Variants in GRIA1 observed in about 807,000 individuals in gnomAD.
GRIA1 encodes glutamate ionotropic receptor AMPA type subunit 1, also known as glutamate receptor 1.
A neutral mutation model predicts 99.2 loss-of-function variants in GRIA1; 31 were observed. The ratio of observed to expected loss-of-function variants is 0.31; its 90% CI spans 0.23 to 0.42. GRIA1 has a LOEUF of 0.42. Ranked by LOEUF, GRIA1 falls within the 10% of genes least tolerant of loss-of-function variation. The pLI is 1.00. For missense variants in GRIA1, 782 were observed against 1,157.5 expected (o/e 0.68, Z 4.71); for synonymous variants, 438 against 432.4 (o/e 1.01, Z -0.16).
intron 2 of GRIA1, among the ~76,000 whole-genome samples, chr5:153,619,829 G>A (rs1766861208): frequency 6.6e-6 from 1 of 152,136 alleles, no homozygotes; most frequent in Admixed American, 6.5e-5. Context: ...TAAACTTAAA[G>A]AGTCAGGAAA....
intron 2 of GRIA1, among the ~76,000 whole-genome samples, chr5:153,588,704 T>G (rs893827729): frequency 1.3e-5 from 2 of 152,204 alleles, no homozygotes; most frequent in Admixed American, 6.6e-5. Context: ...TAATCCATGA[T>G]GTACTGAAAG....
chr5:153,764,726 C>G, intron 12 of GRIA1, 94 bp downstream of exon 12: 1 of 888,774 alleles, frequency 1.1e-6, no homozygotes, highest in Non-Finnish European at 1.8e-6. Context: ...AGATAACAGG[C>G]AGCCAGAGCA....
At chr5:153,624,672 A>C (rs900572523) in intron 2 of GRIA1, among the ~76,000 whole-genome samples, 3 of 149,740 alleles carry the variant, frequency 2.0e-5, no homozygotes, top group Non-Finnish European at 4.4e-5. Flanking sequence ...ACAGGGGGGA[A>C]AAAAATTGAT....
intron 2 of GRIA1, among the ~76,000 whole-genome samples, chr5:153,583,087 C>T (rs554792647): frequency 6.6e-6 from 1 of 152,044 alleles, no homozygotes; most frequent in Admixed American, 6.6e-5. Flanking sequence ...CATGAGCCAC[C>T]ACACTTAGCT....
chr5:153,548,684 A>G (rs1581212152), intron 2 of GRIA1, among the ~76,000 whole-genome samples: 1 of 152,234 alleles, frequency 6.6e-6, no homozygotes, highest in East Asian at 1.9e-4. Flanking sequence ...ATACATGTTT[A>G]TCATGGGAAA....
At chr5:153,546,351 C>A (rs1457564229) in intron 2 of GRIA1, among the ~76,000 whole-genome samples, 1 of 152,092 alleles carries the variant, frequency 6.6e-6, no homozygotes, top group Non-Finnish European at 1.5e-5. Flanking sequence ...AGATTATGCA[C>A]CTGGAGCTTT....
chr5:153,789,614 C>T (rs1165933602), intron 13 of GRIA1, among the ~76,000 whole-genome samples: 3 of 152,110 alleles, frequency 2.0e-5, no homozygotes, highest in Non-Finnish European at 4.4e-5. Flanking sequence ...AAATCATTTC[C>T]AGGTAAAATC....
intron 2 of GRIA1, among the ~76,000 whole-genome samples, chr5:153,576,714 C>T (rs2149369075): frequency 2.0e-5 from 3 of 152,320 alleles, no homozygotes; most frequent in Admixed American, 2.0e-4. Context: ...ATGTTCCCTT[C>T]CTTCTTGCTC....
chr5:153,629,414 G>C (rs979644007), intron 2 of GRIA1, among the ~76,000 whole-genome samples: 2 of 152,224 alleles, frequency 1.3e-5, no homozygotes, highest in African/African-American at 4.8e-5. Flanking sequence ...GTGAGAAGAA[G>C]GCAGGTGGGA....
chr5:153,492,422 C>G, intron 1 of GRIA1: 1 of 1,028,670 alleles, frequency 9.7e-7, no homozygotes, highest in Non-Finnish European at 1.3e-6. Flanking sequence ...CATCCTTTCT[C>G]TTTCATTCAT....
chr5:153,680,056 G>A (rs895859808), intron 7 of GRIA1, among the ~76,000 whole-genome samples: 1 of 152,120 alleles, frequency 6.6e-6, no homozygotes, highest in Admixed American at 6.5e-5. Flanking sequence ...ACTTCCCAAA[G>A]TTATACAGCT....
intron 11 of GRIA1, among the ~76,000 whole-genome samples, chr5:153,735,381 C>T (rs1015773286): frequency 1.3e-5 from 2 of 152,160 alleles, no homozygotes; most frequent in African/African-American, 4.8e-5. Flanking sequence ...GTGAGAGAGT[C>T]ATGATCAACT....
At chr5:153,676,022 A>G (rs959421982) in intron 6 of GRIA1, among the ~76,000 whole-genome samples, 1 of 151,916 alleles carries the variant, frequency 6.6e-6, no homozygotes, top group South Asian at 2.1e-4. Flanking sequence ...ACGCCTGGCT[A>G]ATTTTTTGTA....
At chr5:153,742,975 T>TATCA (rs1231970118) in intron 11 of GRIA1, among the ~76,000 whole-genome samples, 3 of 152,224 alleles carry the variant, frequency 2.0e-5, no homozygotes, top group South Asian at 2.1e-4. Flanking sequence ...ATTTTCTGCC[T>TATCA]ATCACACCTT....
chr5:153,778,235 A>G (rs1204378198), intron 13 of GRIA1, among the ~76,000 whole-genome samples: 1 of 150,854 alleles, frequency 6.6e-6, no homozygotes, highest in Admixed American at 6.6e-5. Context: ...GTTTCAATAG[A>G]GACTGGAGGT....
intron 11 of GRIA1, among the ~76,000 whole-genome samples, chr5:153,735,427 C>T (rs192717147): frequency 3.3e-5 from 5 of 152,246 alleles, no homozygotes; most frequent in East Asian, 1.9e-4. Flanking sequence ...GGGTCGCATA[C>T]ACCAGTAATT....
intron 13 of GRIA1, 110 bp from the exon 14 acceptor site, chr5:153,794,511 C>A (rs2149660325): frequency 1.3e-6 from 1 of 755,110 alleles, no homozygotes; most frequent in East Asian, 2.7e-5. Context: ...GGTCAAAGGG[C>A]AACCTGGCAG....
intron 13 of GRIA1, among the ~76,000 whole-genome samples, chr5:153,775,739 G>A (rs1764188695): frequency 6.9e-6 from 1 of 144,814 alleles, no homozygotes; most frequent in East Asian, 2.0e-4. Flanking sequence ...TGCCATAAGA[G>A]AGCCAGAAAC....
chr5:153,760,418 C>A (rs1350775309), intron 11 of GRIA1, among the ~76,000 whole-genome samples: 1 of 151,838 alleles, frequency 6.6e-6, no homozygotes, highest in African/African-American at 2.4e-5. Context: ...ATCAAGAAAG[C>A]AATTCCATTT....
Sources: allele counts gnomAD v4.1 joint callset (sites outside exome capture counted in the v4.1 genomes callset), GRCh38; gene constraint gnomAD v4.1.1; transcripts MANE v1.5; gene names NCBI Gene and HGNC (gene_info 2026-07-23, HGNC 2026-07-21).